Variants in PIK3R6 observed in about 807,000 individuals in gnomAD.
PIK3R6 encodes the protein phosphoinositide 3-kinase regulatory subunit 6.
PIK3R6 carries 91 observed loss-of-function variants against 84.9 expected under a neutral mutation model. The observed-to-expected ratio is 1.07, with a 90% confidence interval of 0.90 to 1.28. PIK3R6 has a LOEUF of 1.28. Ranked by LOEUF, PIK3R6 falls within the 50% of genes most tolerant of loss-of-function variation. PIK3R6 has a pLI of 0.00. For missense variants in PIK3R6, 996 were observed against 985.1 expected, an observed-to-expected ratio of 1.01 and a Z score of -0.15; for synonymous variants, 416 against 411.4, an observed-to-expected ratio of 1.01 and a Z score of -0.13.
At chr17:8,804,494 C>T (rs772818647) in intron 18 of PIK3R6, among the ~76,000 whole-genome samples, 113 of 152,136 alleles carry the variant, frequency 7.4e-4, no homozygotes, top group Non-Finnish European at 1.5e-3. Context: ...CTATGACAGA[C>T]GTGTTAATGT....
chr17:8,826,755 T>C (rs2087930897), intron 13 of PIK3R6, among the ~76,000 whole-genome samples: 1 of 151,994 alleles, frequency 6.6e-6, no homozygotes. Flanking sequence ...GTAACAAACC[T>C]GCATGTTCTG....
chr17:8,829,582 ACT>A (rs2088148923), intron 10 of PIK3R6, 122 bp downstream of exon 10: 2 of 1,014,006 alleles, frequency 2.0e-6, no homozygotes, highest in Non-Finnish European at 2.9e-6. Flanking sequence ...ACACAGACAC[ACT>A]GACACACACT....
At chr17:8,867,331 C>A (rs529852070) in intron 1 of PIK3R6, among the ~76,000 whole-genome samples, 198 bp downstream of exon 1, 1 of 152,308 alleles carries the variant, frequency 6.6e-6, no homozygotes, top group African/African-American at 2.4e-5. Context: ...ACAATCTTAA[C>A]TTGGCAGAAT....
chr17:8,860,412 A>G (rs1214895487), intron 1 of PIK3R6, among the ~76,000 whole-genome samples: 1 of 152,134 alleles, frequency 6.6e-6, no homozygotes, highest in African/African-American at 2.4e-5. Flanking sequence ...GAGGTGGAGC[A>G]GTTTCATCCC....
chr17:8,824,201 G>A (rs917272786), intron 13 of PIK3R6, among the ~76,000 whole-genome samples: 4 of 152,200 alleles, frequency 2.6e-5, no homozygotes, highest in South Asian at 2.1e-4. Context: ...TCCAGGAGGC[G>A]GAGGTTGCAG....
At position 8,828,618 on chromosome 17, in the gene PIK3R6, A is replaced by G; in HGVS notation, c.1262T>C (p.Leu421Pro). ...SRLHTARVLV[L>P]GDDRMLGRLA... ...GCGCCCCAGCATCCTGTCATCTCCG[A>G]GCACAAGTACCCGGGCTGTGTGCAG... Residue 421 changes from leucine (L) to proline (P), a missense_variant, in exon 11 of 20, where the codon CTC (leucine) becomes CCC (proline). Coordinates refer to ENST00000619866, the MANE Select transcript of PIK3R6 (RefSeq NM_001010855.4). 6.2e-7 allele frequency: 1 copy of G among 1,613,434 alleles called. No individual in the cohort carries two copies. Among genetic ancestry groups the G allele is most frequent in the Non-Finnish European group, 8.5e-7 (1 of 1,179,702 alleles).
chr17:8,829,560 GCACACATACA>G (rs1597402312), intron 10 of PIK3R6, 136 bp downstream of exon 10: 6 of 790,380 alleles, frequency 7.6e-6, no homozygotes, highest in African/African-American at 6.3e-5. Context: ...ACACACTCAT[GCACACATACA>G]CACACAGACA....
At chr17:8,834,187 C>T (rs1288906550) in intron 8 of PIK3R6, among the ~76,000 whole-genome samples, 3 of 147,060 alleles carry the variant, frequency 2.0e-5, no homozygotes, top group African/African-American at 7.5e-5. Flanking sequence ...AAGAGTGAGT[C>T]GTGCAGGTAT....
At chr17:8,823,519 T>G (rs765635500) in intron 13 of PIK3R6, 22 bp from the exon 14 acceptor site, 2 of 1,533,068 alleles carry the variant, frequency 1.3e-6, no homozygotes, top group Non-Finnish European at 1.8e-6. Context: ...ACAGGGAATG[T>G]CTTCACCAAC....
At chr17:8,857,759 G>A (rs749774813) in intron 1 of PIK3R6, among the ~76,000 whole-genome samples, 21 of 152,162 alleles carry the variant, frequency 1.4e-4, no homozygotes, top group Non-Finnish European at 2.8e-4. Flanking sequence ...AATTAGCTGG[G>A]TGTGGCGGCA....
chr17:8,848,969 G>A (rs1403628290), intron 2 of PIK3R6, among the ~76,000 whole-genome samples: 4 of 152,170 alleles, frequency 2.6e-5, no homozygotes, highest in Non-Finnish European at 4.4e-5. Flanking sequence ...GAGTCTCAGC[G>A]TGGTGGCCTA....
At chr17:8,852,892 A>C (rs565618620) in intron 1 of PIK3R6, among the ~76,000 whole-genome samples, 6 of 152,204 alleles carry the variant, frequency 3.9e-5, no homozygotes, top group Non-Finnish European at 8.8e-5. Flanking sequence ...GCTGGACAAT[A>C]TTTATCAAAA....
At chr17:8,834,156 CAAA>C (rs71135927) in intron 8 of PIK3R6, among the ~76,000 whole-genome samples, 3 of 46,456 alleles carry the variant, frequency 6.5e-5, no homozygotes. Flanking sequence ...GACTTCGTCT[CAAA>C]AAAAAAAAAA....
chr17:8,811,960 A>T (rs2087370279), intron 18 of PIK3R6, among the ~76,000 whole-genome samples: 1 of 150,712 alleles, frequency 6.6e-6, no homozygotes, highest in African/African-American at 2.5e-5. Context: ...CACTGCTGAT[A>T]AAGACATACC....
intron 18 of PIK3R6, among the ~76,000 whole-genome samples, chr17:8,810,555 G>A (rs987248973): frequency 2.0e-5 from 3 of 148,576 alleles, no homozygotes; most frequent in Non-Finnish European, 4.4e-5. Context: ...TTATGAGCCT[G>A]TAAAATCAAA....
intron 18 of PIK3R6, among the ~76,000 whole-genome samples, chr17:8,814,048 C>T (rs1215946130): frequency 2.0e-5 from 3 of 152,036 alleles, no homozygotes; most frequent in Non-Finnish European, 4.4e-5. Flanking sequence ...AGGCAGGAGC[C>T]CAGAGGACTC....
intron 8 of PIK3R6, among the ~76,000 whole-genome samples, chr17:8,833,523 C>T (rs1361707796): frequency 3.3e-5 from 5 of 151,462 alleles, no homozygotes; most frequent in African/African-American, 7.3e-5. Context: ...ATCTGGGAAG[C>T]CCCCCCTGAG....
chr17:8,807,757 T>G (rs2087245594), intron 18 of PIK3R6, among the ~76,000 whole-genome samples: 1 of 152,200 alleles, frequency 6.6e-6, no homozygotes, highest in Admixed American at 6.5e-5. Context: ...AGTGAAGCTA[T>G]GCAACACTGA....
intron 9 of PIK3R6, among the ~76,000 whole-genome samples, chr17:8,831,488 T>G (rs1049543031): frequency 3.9e-5 from 6 of 152,030 alleles, no homozygotes; most frequent in Non-Finnish European, 7.4e-5. Context: ...AAAGCCAGAT[T>G]GGCCCCAGGG....
Sources: allele counts gnomAD v4.1 joint callset (sites outside exome capture counted in the v4.1 genomes callset), GRCh38; gene constraint gnomAD v4.1.1; transcripts MANE v1.5; gene names NCBI Gene and HGNC (gene_info 2026-07-23, HGNC 2026-07-21).